INPP5B: variants seen among roughly 807,000 people sequenced by gnomAD.
INPP5B encodes inositol polyphosphate-5-phosphatase B.
In INPP5B, 90 loss-of-function variants were observed where a neutral mutation model predicts 118.5. The ratio of observed to expected loss-of-function variants is 0.76; its 90% confidence interval spans 0.64 to 0.90. INPP5B has a LOEUF of 0.90. Among genes scored for constraint, INPP5B ranks in the 40% least tolerant of loss-of-function variants. The pLI is 0.00. For synonymous variants in INPP5B, 385 were observed against 418.9 expected, an observed-to-expected ratio of 0.92 and a Z score of 0.99; for missense variants, 984 against 1,125.6, an observed-to-expected ratio of 0.87 and a Z score of 1.80.
chr1:37,927,785 C>T (rs1645293645), intron 7 of INPP5B, among the ~76,000 whole-genome samples: 1 of 152,034 alleles, frequency 6.6e-6, no homozygotes, highest in Non-Finnish European at 1.5e-5. Flanking sequence ...GATCCGCCCT[C>T]CTTGGCCTCC....
At chr1:37,868,395 G>T in intron 20 of INPP5B, 106 bp downstream of exon 20, 1 of 713,524 alleles carries the variant, frequency 1.4e-6, no homozygotes, top group Admixed American at 2.0e-5. Context: ...CCCTCCCTGG[G>T]TGAAGAACAG....
intron 7 of INPP5B, among the ~76,000 whole-genome samples, chr1:37,910,883 T>C (rs1203002639): frequency 1.3e-5 from 2 of 152,080 alleles, no homozygotes. Context: ...AACCCATTAT[T>C]CTGTTCTAGA....
chr1:37,874,226 G>A, intron 17 of INPP5B, 71 bp from the exon 18 acceptor site: 1 of 1,185,174 alleles, frequency 8.4e-7, no homozygotes, highest in South Asian at 2.0e-5. Context: ...ACCCCAACTG[G>A]GCAGTCCTTA....
At chr1:37,911,151 C>T (rs1644683748) in intron 7 of INPP5B, among the ~76,000 whole-genome samples, 1 of 152,160 alleles carries the variant, frequency 6.6e-6, no homozygotes, top group South Asian at 2.1e-4. Flanking sequence ...TGGTGGCTGC[C>T]GCTGCTTTAA....
intron 7 of INPP5B, among the ~76,000 whole-genome samples, chr1:37,913,969 C>T (rs748907643): frequency 1.4e-4 from 22 of 152,078 alleles, no homozygotes; most frequent in Non-Finnish European, 2.9e-4. Context: ...TACCCCCCCA[C>T]TTAAGAAGGT....
At chr1:37,871,249 G>A (rs1439319769) in intron 19 of INPP5B, among the ~76,000 whole-genome samples, 3 of 151,424 alleles carry the variant, frequency 2.0e-5, no homozygotes, top group Non-Finnish European at 4.4e-5. Context: ...CCTGAGGTCA[G>A]GAGTTTGAGA....
intron 7 of INPP5B, among the ~76,000 whole-genome samples, chr1:37,908,870 A>G (rs1644590293): frequency 1.3e-5 from 2 of 152,052 alleles, no homozygotes; most frequent in South Asian, 4.2e-4. Context: ...CCATGTCTCT[A>G]CCTTTCTCTT....
At position 37,909,520 on chromosome 1, in the gene INPP5B, C is replaced by T. The variant is rs1379416488; in HGVS notation, c.533-18066G>A. ...GAAGGCATAGCCAAGGTTAATCCTC[C>T]TTTTTCTTTATCCAACCTCTCCCAA... On this transcript the variant is annotated intron_variant, in intron 7 of 23. Coordinates refer to ENST00000373024, the MANE Select transcript of INPP5B (RefSeq NM_005540.3). Among the ~76,000 whole-genome samples, 3 of 152,162 alleles carry T rather than the reference C, an allele frequency of 2.0e-5. No homozygotes were observed. In the East Asian group the frequency reaches 5.8e-4, roughly 29 times the overall value.
At chr1:37,872,248 T>A (rs1376328702) in intron 19 of INPP5B, among the ~76,000 whole-genome samples, 6 of 151,060 alleles carry the variant, frequency 4.0e-5, no homozygotes, top group Non-Finnish European at 5.9e-5. Context: ...CGCATGCCTG[T>A]AGTCCCAGCT....
At chr1:37,919,742 C>G (rs1189135418) in intron 7 of INPP5B, among the ~76,000 whole-genome samples, 5 of 152,106 alleles carry the variant, frequency 3.3e-5, no homozygotes, top group Non-Finnish European at 5.9e-5. Flanking sequence ...AGTTCAAGAC[C>G]AGCCTGGCCA....
intron 7 of INPP5B, among the ~76,000 whole-genome samples, chr1:37,910,170 A>G (rs1174741146): frequency 6.6e-6 from 1 of 152,186 alleles, no homozygotes; most frequent in African/African-American, 2.4e-5. Context: ...ACCATCACAG[A>G]TGCTCTGGAT....
intron 7 of INPP5B, among the ~76,000 whole-genome samples, chr1:37,903,722 G>A (rs199849931): frequency 5.9e-4 from 20 of 34,114 alleles, no homozygotes; most frequent in East Asian, 3.3e-3. Flanking sequence ...GAGAGACTCC[G>A]TCTCAAAAAA....
chr1:37,939,194 CAAAAAAAAA>C (rs34249747), intron 6 of INPP5B, among the ~76,000 whole-genome samples: 3 of 73,034 alleles, frequency 4.1e-5, no homozygotes, highest in African/African-American at 1.6e-4. Flanking sequence ...AACTCCGTCT[CAAAAAAAAA>C]AAAAAAAAAA....
chr1:37,926,581 G>A (rs940913824), intron 7 of INPP5B, among the ~76,000 whole-genome samples: 2 of 152,044 alleles, frequency 1.3e-5, no homozygotes, highest in East Asian at 1.9e-4. Context: ...CACACCCGGC[G>A]AAGCTGGCTC....
intron 7 of INPP5B, among the ~76,000 whole-genome samples, chr1:37,906,169 A>C (rs1054781601): frequency 5.9e-5 from 9 of 152,222 alleles, no homozygotes; most frequent in Non-Finnish European, 1.3e-4. Context: ...AACAGAGCCA[A>C]TAAAAGCCCC....
At chr1:37,930,610 T>A (rs1424290527) in intron 7 of INPP5B, 8 of 152,380 alleles carry the variant, frequency 5.3e-5, no homozygotes, top group African/African-American at 1.9e-4. Flanking sequence ...TAGTGAACTC[T>A]GAGATAAGCC....
At chr1:37,865,647 A>C in intron 22 of INPP5B, 114 bp downstream of exon 22, 2 of 1,181,974 alleles carry the variant, frequency 1.7e-6, no homozygotes, top group South Asian at 2.7e-5. Context: ...TTTGAGAAGG[A>C]AAGATAAGGT....
rs1043793978 is a variant in INPP5B, at chr1:37,907,995, C to T, written c.533-16541G>A. On this transcript the variant is annotated intron_variant, in intron 7 of 23. Coordinates refer to ENST00000373024, the MANE Select transcript of INPP5B (RefSeq NM_005540.3). This position sits in a 1 kb window ranked among gnomAD's most constrained non-coding sequence, Gnocchi z 4.3. ...AGTGATAGGCTATGTTCTCCCCCGCCCTTAAGAAGGTACTTTGTAATATTC... is the reference window on the plus strand; with the variant it reads ...AGTGATAGGCTATGTTCTCCCCCGCTCTTAAGAAGGTACTTTGTAATATTC... 6.6e-6 allele frequency among the ~76,000 whole-genome samples: 1 copy of T among 152,010 alleles called. No individual in the cohort carries two copies. Among genetic ancestry groups the T allele is most frequent in the African/African-American group, 2.4e-5 (1 of 41,392 alleles).
At position 37,885,811 on chromosome 1, in the gene INPP5B, G is replaced by A. The variant is rs376013298; in HGVS notation, c.1146C>T (p.Gly382=). 1.6e-5 allele frequency: 26 copies of A among 1,613,784 alleles called. No homozygotes were observed. Among genetic ancestry groups the A allele is most frequent in the African/African-American group, 8.0e-5 (6 of 74,914 alleles). The change falls in exon 13 of 24, where the codon GGC becomes GGT. Residue 382 remains glycine (G), a synonymous_variant. Transcript: ENST00000373024. ...GIMGRMGNKG[G]VAIRFQFHNT... ...TGTGGAACTGGAACCTGATCGCCAC[G>A]CCTCCCTTGTTGCCCTATGGAAAGG... is the stretch of plus-strand genomic sequence containing the variant.
Sources: gnomAD v4.1 joint callset for allele counts (sites outside exome capture counted in the v4.1 genomes callset) on GRCh38, gnomAD v4.1.1 for gene constraint, Gnocchi (gnomAD v3.1) non-coding constraint, MANE v1.5 for transcripts, NCBI Gene and HGNC (gene_info 2026-07-23, HGNC 2026-07-21) for gene names.